Variants in DLC1 observed in about 807,000 individuals in gnomAD.
The protein encoded by DLC1 is DLC1 Rho GTPase activating protein, also known as rho GTPase-activating protein 7.
DLC1 carries 54 observed loss-of-function variants against 140.3 expected under a neutral mutation model. That is an observed-to-expected ratio of 0.38 (90% CI 0.31 to 0.48). The LOEUF (loss-of-function observed/expected upper bound fraction) is 0.48. Among genes scored for constraint, DLC1 ranks in the 20% least tolerant of loss-of-function variants. DLC1 has a pLI of 0.96. For missense variants in DLC1, 2,536 were observed against 1,907.0 expected, an observed-to-expected ratio of 1.33 and a Z score of -6.14; for synonymous variants, 986 against 728.1, an observed-to-expected ratio of 1.35 and a Z score of -5.70.
Position 13,582,275 on chromosome 8 carries a change from A to T in DLC1, c.-126+22262T>A, listed in dbSNP as rs573275809. 9.8e-5 allele frequency among the ~76,000 whole-genome samples: 15 copies of T among 152,314 alleles called. No homozygotes were observed. The East Asian group carries it at 2.7e-3, about 27-fold the overall frequency. ...TTTTGCATACACTCTCTTCAAGAAA[A>T]CACCAGTATACTAATATGGTATAGG... On this transcript the variant is annotated intron_variant, in intron 1 of 1. Transcript: ENST00000631382.
chr8:13,542,188 C>T (rs1269728960), intron 1 of DLC1, among the ~76,000 whole-genome samples: 1 of 152,096 alleles, frequency 6.6e-6, no homozygotes, highest in African/African-American at 2.4e-5. Flanking sequence ...AAGTTGTATA[C>T]CTTTAGCTCT....
chr8:13,429,893 C>A (rs751839722), intron 2 of DLC1, among the ~76,000 whole-genome samples: 1 of 152,136 alleles, frequency 6.6e-6, no homozygotes, highest in Non-Finnish European at 1.5e-5. Context: ...AAGGTTAAAT[C>A]CACATTTGTT....
chr8:13,128,740 C>T (rs2119908), intron 5 of DLC1, among the ~76,000 whole-genome samples: 30,369 of 151,460 alleles, frequency 0.2, 3,617 homozygotes, highest in Admixed American at 0.36. Flanking sequence ...GAGGCTGGGG[C>T]AGGAGAATGG....
chr8:13,126,418 A>G (rs1821576117), intron 5 of DLC1, among the ~76,000 whole-genome samples: 1 of 148,216 alleles, frequency 6.7e-6, no homozygotes, highest in Admixed American at 6.8e-5. Context: ...TATTTCTAGT[A>G]TTCCACGTCA....
intron 5 of DLC1, among the ~76,000 whole-genome samples, chr8:13,265,609 A>C (rs1830652569): frequency 6.6e-6 from 1 of 152,040 alleles, no homozygotes; most frequent in Non-Finnish European, 1.5e-5. Context: ...AGACAGCATG[A>C]GGCCGTTTAC....
intron 5 of DLC1, among the ~76,000 whole-genome samples, chr8:13,223,419 C>T (rs1387908060): frequency 2.0e-5 from 3 of 152,120 alleles, no homozygotes; most frequent in South Asian, 2.1e-4. Context: ...CTCTGTGAAG[C>T]CTTTCTTTTT....
intron 2 of DLC1, among the ~76,000 whole-genome samples, chr8:13,469,130 T>C (rs1378654294): frequency 6.6e-6 from 1 of 152,216 alleles, no homozygotes; most frequent in Non-Finnish European, 1.5e-5. Context: ...GTGTCTGCTT[T>C]TTATTCCCAG....
chr8:13,312,724 A>T (rs1419660194), intron 4 of DLC1, among the ~76,000 whole-genome samples: 9 of 152,056 alleles, frequency 5.9e-5, no homozygotes, highest in Non-Finnish European at 1.3e-4. Flanking sequence ...ATCTCCTTAA[A>T]TTTGCAAATT....
intron 2 of DLC1, among the ~76,000 whole-genome samples, chr8:13,430,108 T>A (rs1838793273): frequency 6.6e-6 from 1 of 152,178 alleles, no homozygotes; most frequent in Non-Finnish European, 1.5e-5. Flanking sequence ...GGCATCAGTA[T>A]TTTATAAAAT....
rs1018140586 is a variant in DLC1, at chr8:13,499,328, G to A, written c.744C>T (p.Ser248=). The part of the protein sequence containing the change: ...PDPPKDENER[S]TCNVVQNEFL... ...ACTCATTTTGTACTACATTGCAGGT[G>A]CTTCTTTCATTTTCATCTTTAGGGG... The change falls in exon 2 of 18, where the codon AGC becomes AGT. Residue 248 remains serine (S), a synonymous_variant. Transcript: ENST00000276297. The A allele has an allele frequency of 1.2e-6, 2 of 1,613,998 alleles. No homozygotes were observed. Among genetic ancestry groups the A allele is most frequent in the Non-Finnish European group, 1.7e-6 (2 of 1,180,008 alleles).
At chr8:13,360,032 A>T (rs1281784360) in intron 4 of DLC1, among the ~76,000 whole-genome samples, 2 of 152,220 alleles carry the variant, frequency 1.3e-5, no homozygotes, top group African/African-American at 4.8e-5. Context: ...TATAGTATTT[A>T]TAAAGCTTTC....
intron 5 of DLC1, among the ~76,000 whole-genome samples, chr8:13,153,340 C>G (rs999013223): frequency 1.3e-5 from 2 of 152,222 alleles, no homozygotes; most frequent in African/African-American, 4.8e-5. Flanking sequence ...CCATTCCTCT[C>G]CGTGAGTTTG....
At chr8:13,219,005 A>C (rs1164053724) in intron 5 of DLC1, among the ~76,000 whole-genome samples, 17 of 111,062 alleles carry the variant, frequency 1.5e-4, no homozygotes, top group African/African-American at 5.3e-4. Context: ...TACGAATATA[A>C]TTATATAATT....
intron 1 of DLC1, among the ~76,000 whole-genome samples, chr8:13,604,157 C>T (rs1230424479): frequency 6.6e-6 from 1 of 152,006 alleles, no homozygotes; most frequent in Non-Finnish European, 1.5e-5. Flanking sequence ...AAAACTCCAA[C>T]ACATTATCAT....
chr8:13,280,115 C>T (rs1385893873), intron 5 of DLC1, among the ~76,000 whole-genome samples: 10 of 146,116 alleles, frequency 6.8e-5, no homozygotes, highest in Non-Finnish European at 1.3e-4. Flanking sequence ...CCCGTCTCTA[C>T]TAAAAATACA....
intron 5 of DLC1, among the ~76,000 whole-genome samples, chr8:13,156,835 C>G (rs1038297475): frequency 6.6e-6 from 1 of 152,216 alleles, no homozygotes; most frequent in Non-Finnish European, 1.5e-5. Flanking sequence ...TGCTTTGCCC[C>G]TTTGAAAATG....
intron 10 of DLC1, among the ~76,000 whole-genome samples, chr8:13,097,190 G>GA (rs1224802076): frequency 6.6e-6 from 1 of 151,922 alleles, no homozygotes; most frequent in African/African-American, 2.4e-5. Context: ...GTCTTTGCTA[G>GA]AAAAAAAGTA....
intron 5 of DLC1, among the ~76,000 whole-genome samples, chr8:13,172,565 C>G (rs1246159591): frequency 6.6e-6 from 1 of 152,232 alleles, no homozygotes; most frequent in Non-Finnish European, 1.5e-5. Flanking sequence ...ACTAATGCTG[C>G]AATTCAGACT....
intron 1 of DLC1, among the ~76,000 whole-genome samples, chr8:13,542,142 T>C (rs570064793): frequency 6.6e-6 from 1 of 152,354 alleles, no homozygotes; most frequent in East Asian, 1.9e-4. Context: ...TTTACTTAAT[T>C]CAAGACCACA....
Sources: allele counts gnomAD v4.1 joint callset (sites outside exome capture counted in the v4.1 genomes callset), GRCh38; gene constraint gnomAD v4.1.1; transcripts MANE v1.5; gene names NCBI Gene and HGNC (gene_info 2026-07-23, HGNC 2026-07-21).